KBTBD11: variants seen among roughly 807,000 people sequenced by gnomAD.
The protein encoded by KBTBD11 is kelch repeat and BTB domain containing 11, also known as kelch repeat and BTB domain-containing protein 11.
For missense variants in KBTBD11, 1,390 were observed against 1,001.8 expected, an observed-to-expected ratio of 1.39 and a Z score of -5.23; for synonymous variants, 747 against 499.0, an observed-to-expected ratio of 1.50 and a Z score of -6.63.
chr8:1,988,704 A>G (rs931509534), intron 1 of KBTBD11, among the ~76,000 whole-genome samples: 1 of 152,272 alleles, frequency 6.6e-6, no homozygotes, highest in African/African-American at 2.4e-5. Context: ...CAGTGGCTCA[A>G]CGCTTGCCTT....
intron 1 of KBTBD11, among the ~76,000 whole-genome samples, chr8:1,984,681 C>A (rs1030499203): frequency 3.3e-5 from 5 of 152,098 alleles, no homozygotes; most frequent in African/African-American, 9.7e-5. Context: ...ATAGGCACTC[C>A]AAACTTGACT....
intron 1 of KBTBD11, 29 bp downstream of exon 1, chr8:1,973,964 G>C (rs1415158321): frequency 1.0e-6 from 1 of 982,810 alleles, no homozygotes; most frequent in Admixed American, 6.2e-5. Flanking sequence ...AGGCAGCGGC[G>C]GGGCCTGGCG....
Position 2,001,791 on chromosome 8 carries a change from G to T in KBTBD11, c.599G>T (p.Arg200Leu). 2.4e-6 allele frequency: 3 copies of T among 1,256,724 alleles called. No individual in the cohort carries two copies. Among genetic ancestry groups the T allele is most frequent in the African/African-American group, 1.6e-5 (1 of 63,544 alleles). 77.8% of individuals were successfully genotyped at this position (1,256,724 alleles called of 1,614,324 possible). A position where few individuals can be genotyped will look rare whatever the true frequency, so the allele number is the denominator to read the frequency against. ...DAYSGRMAGV[R>L]PDNVAEVVAG... ...TACAGCGGGCGCATGGCGGGCGTGC[G>T]GCCCGACAACGTGGCCGAGGTGGTG... is the stretch of plus-strand genomic sequence containing the variant. The change falls in exon 2 of 2, where the codon CGG becomes CTG. Residue 200 changes from arginine (R) to leucine (L), a missense_variant. Physicochemically the swap from Arg to Leu is moderately radical, Grantham distance 102. Coordinates refer to ENST00000320248, the MANE Select transcript of KBTBD11 (RefSeq NM_014867.3).
rs979787624 is a variant in KBTBD11 at position 2,001,049 on chromosome 8, A to G, written c.-144A>G. The stretch of plus-strand genomic sequence containing the variant: ...TTCCCCCCTTCACACACACAACAAC[A>G]AAGCGTGGACACACAGAAGTGAAAT... On this transcript the variant is annotated 5_prime_UTR_variant, in exon 2 of 2. Coordinates refer to ENST00000320248, the MANE Select transcript of KBTBD11 (RefSeq NM_014867.3). 9.8e-7 allele frequency: 1 copy of G among 1,024,206 alleles called. No individual in the cohort carries two copies. Among genetic ancestry groups the G allele is most frequent in the African/African-American group, 1.6e-5 (1 of 60,950 alleles). 63.4% of individuals were successfully genotyped at this position (1,024,206 alleles called of 1,614,324 possible).
chr8:1,974,384 A>T, intron 1 of KBTBD11: 1 of 984,204 alleles, frequency 1.0e-6, no homozygotes, highest in Non-Finnish European at 1.2e-6. Context: ...GCAGGAGCAG[A>T]AGCCGAAGCC....
intron 1 of KBTBD11, among the ~76,000 whole-genome samples, chr8:1,978,441 G>A (rs550419657): frequency 2.0e-4 from 30 of 152,310 alleles, no homozygotes; most frequent in Admixed American, 3.9e-4. Context: ...GGGGGCTGGC[G>A]CAGCAGGGGC....
intron 1 of KBTBD11, among the ~76,000 whole-genome samples, chr8:2,000,031 A>G (rs538123455): frequency 1.4e-4 from 21 of 152,318 alleles, no homozygotes; most frequent in South Asian, 8.3e-4. Context: ...GGTGGTGCCA[A>G]TTGCTTGAAC....
rs1365771318 is a variant in KBTBD11 at position 2,001,769 on chromosome 8, A to G, written c.577A>G (p.Ser193Gly). ...GCGGCTGCTCCTCGCCGACGCCTAC[A>G]GCGGGCGCATGGCGGGCGTGCGGCC... Reference protein sequence around the residue: ...ALRLLLADAYSGRMAGVRPDN... With the variant: ...ALRLLLADAYGGRMAGVRPDN... Residue 193 changes from serine to glycine, a missense_variant, in exon 2 of 2, where the codon AGC (serine) becomes GGC (glycine). Ser to Gly is a moderately conservative substitution (Grantham distance 56, BLOSUM62 0). Transcript: ENST00000320248. The G allele has an allele frequency of 1.2e-5, 16 of 1,287,728 alleles. No homozygotes were observed. Among genetic ancestry groups the G allele is most frequent in the African/African-American group, 1.6e-5 (1 of 64,002 alleles). 79.8% of individuals were successfully genotyped at this position (1,287,728 alleles called of 1,614,324 possible).
intron 1 of KBTBD11, among the ~76,000 whole-genome samples, chr8:1,994,825 A>C (rs919318801): frequency 2.0e-5 from 3 of 152,118 alleles, no homozygotes; most frequent in Non-Finnish European, 4.4e-5. Flanking sequence ...TTGGGAGGCC[A>C]AGGTGGGCGG....
chr8:1,978,440 C>T (rs186860922), intron 1 of KBTBD11, among the ~76,000 whole-genome samples: 44 of 152,316 alleles, frequency 2.9e-4, no homozygotes, highest in South Asian at 1.2e-3. Flanking sequence ...TGGGGGCTGG[C>T]GCAGCAGGGG....
Position 2,002,227 on chromosome 8 carries a change from G to A in KBTBD11, c.1035G>A (p.Glu345=). The A allele has an allele frequency of 7.9e-7, 1 of 1,269,740 alleles. No homozygotes were observed. 78.7% of individuals were successfully genotyped at this position (1,269,740 alleles called of 1,614,324 possible). The change falls in exon 2 of 2, where the codon GAG becomes GAA. Residue 345 remains glutamate, a synonymous_variant. Coordinates refer to ENST00000320248, the MANE Select transcript of KBTBD11 (RefSeq NM_014867.3). The surrounding 1 kb of genome is among the most constrained non-coding windows in gnomAD (Gnocchi z 4.1). Reference sequence around the variant, plus strand: ...GGCGCGAGCTGACGCGGCTGCCCGAGGGCGCGCCGGCGCGGGGCTGCGGCC... The same window carrying A: ...GGCGCGAGCTGACGCGGCTGCCCGAAGGCGCGCCGGCGCGGGGCTGCGGCC... The part of the protein sequence containing the change: ...GEWRELTRLP[E]GAPARGCGLC...
chr8:1,983,438 T>G (rs989866592), intron 1 of KBTBD11, among the ~76,000 whole-genome samples: 1 of 152,228 alleles, frequency 6.6e-6, no homozygotes, highest in Non-Finnish European at 1.5e-5. Flanking sequence ...CTCCGTGACC[T>G]GACCAGGGCG....
Position 2,000,930 on chromosome 8 carries a change from A to C in KBTBD11, c.-263A>C, listed in dbSNP as rs750937642. The C allele has an allele frequency of 2.3e-5, 9 of 391,982 alleles. No homozygotes were observed. The highest frequency in any genetic ancestry group is 4.0e-5 in the Non-Finnish European group (9 of 225,040). 24.3% of individuals were successfully genotyped at this position (391,982 alleles called of 1,614,324 possible). The stretch of plus-strand genomic sequence containing the variant: ...CACCAAGACTTTCTGGGCAGATTTA[A>C]AGTGGCTGGGGTTCAGAAGTTCAGC... On this transcript the variant is annotated 5_prime_UTR_variant, in exon 2 of 2. Coordinates refer to ENST00000320248, the MANE Select transcript of KBTBD11 (RefSeq NM_014867.3).
chr8:1,995,246 C>T (rs1276265937), intron 1 of KBTBD11, among the ~76,000 whole-genome samples: 1 of 151,904 alleles, frequency 6.6e-6, no homozygotes, highest in Non-Finnish European at 1.5e-5. Flanking sequence ...TTACAATTGG[C>T]TTTAGTTTTC....
chr8:1,985,376 C>G (rs1056023211), intron 1 of KBTBD11, among the ~76,000 whole-genome samples: 5 of 152,278 alleles, frequency 3.3e-5, no homozygotes, highest in African/African-American at 7.2e-5. Context: ...CTTTATTCCT[C>G]TGAAACTGTC....
rs528137043 is a variant in KBTBD11, at chr8:2,002,689, C to T, written c.1497C>T (p.Asp499=). ...RERSADMVAL[D]GFIYRFDLSG... ...GCTCGGCCGACATGGTGGCTCTCGA[C>T]GGCTTCATCTACCGCTTCGATCTGA... is the stretch of plus-strand genomic sequence containing the variant. The change falls in exon 2 of 2, where the codon GAC becomes GAT. Residue 499 remains aspartate, a synonymous_variant. Coordinates refer to ENST00000320248, the MANE Select transcript of KBTBD11 (RefSeq NM_014867.3). The surrounding 1 kb of genome is among the most constrained non-coding windows in gnomAD (Gnocchi z 4.1). 5.1e-6 allele frequency: 8 copies of T among 1,557,924 alleles called. No homozygotes were observed. The highest frequency in any genetic ancestry group is 4.7e-5 in the South Asian group (4 of 85,148).
intron 1 of KBTBD11, among the ~76,000 whole-genome samples, chr8:1,995,171 TACTC>T (rs1177203594): frequency 6.6e-6 from 1 of 152,040 alleles, no homozygotes; most frequent in Non-Finnish European, 1.5e-5. Context: ...CTTATTCAGT[TACTC>T]AAGAAACTCC....
chr8:2,002,277 T>C lies in KBTBD11; in HGVS notation c.1085T>C (p.Phe362Ser). ...CGLCVLYNYL[F>S]VAGGVAPAGP... Reference sequence around the variant, plus strand: ...CTGTGCGTCCTCTACAACTACCTCTTCGTGGCGGGCGGCGTGGCGCCCGCG... The same window carrying C: ...CTGTGCGTCCTCTACAACTACCTCTCCGTGGCGGGCGGCGTGGCGCCCGCG... Residue 362 changes from phenylalanine (F) to serine (S), a missense_variant, in exon 2 of 2, where the codon TTC (phenylalanine) becomes TCC (serine). Transcript: ENST00000320248. This position sits in a 1 kb window ranked among gnomAD's most constrained non-coding sequence, Gnocchi z 4.1. 1.5e-6 allele frequency: 2 copies of C among 1,302,282 alleles called. No individual in the cohort carries two copies. Among genetic ancestry groups the C allele is most frequent in the Non-Finnish European group, 1.9e-6 (2 of 1,029,212 alleles). The allele number at this position is 1,302,282 out of a possible 1,614,324, so 80.7% of individuals were successfully genotyped here.
At chr8:1,996,557 C>T (rs925813374) in intron 1 of KBTBD11, among the ~76,000 whole-genome samples, 9 of 152,076 alleles carry the variant, frequency 5.9e-5, no homozygotes, top group African/African-American at 1.9e-4. Flanking sequence ...CTTGAGCCAC[C>T]GCGCCTGGCT....
Sources: allele counts gnomAD v4.1 joint callset (sites outside exome capture counted in the v4.1 genomes callset), GRCh38; gene constraint gnomAD v4.1.1; non-coding constraint Gnocchi (gnomAD v3.1); transcripts MANE v1.5; gene names NCBI Gene and HGNC (gene_info 2026-07-23, HGNC 2026-07-21).